The following UNC5C variants were observed in gnomAD, a reference collection of about 807,000 sequenced individuals.
The protein encoded by UNC5C is unc-5 netrin receptor C.
UNC5C carries 47 observed loss-of-function variants against 99.8 expected under a neutral mutation model. That is an observed-to-expected ratio of 0.47 (90% CI 0.37 to 0.60). UNC5C has a LOEUF of 0.60. Ranked by LOEUF, UNC5C falls within the 20% of genes least tolerant of loss-of-function variation. UNC5C has a pLI of 0.00. For missense variants in UNC5C, 1,062 were observed against 1,165.9 expected, an observed-to-expected ratio of 0.91 and a Z score of 1.30; for synonymous variants, 487 against 452.2, an observed-to-expected ratio of 1.08 and a Z score of -0.98.
chr4:95,289,569 TA>T (rs371784419), intron 3 of UNC5C, among the ~76,000 whole-genome samples: 5 of 152,378 alleles, frequency 3.3e-5, no homozygotes, highest in South Asian at 2.1e-4. Context: ...AATATTTTTT[TA>T]AAAAAAGCTG....
At chr4:95,189,163 A>C (rs912092184) in intron 12 of UNC5C, among the ~76,000 whole-genome samples, 5 of 152,210 alleles carry the variant, frequency 3.3e-5, no homozygotes, top group Non-Finnish European at 7.3e-5. Flanking sequence ...TGTCCTTCCT[A>C]CTGGGAGTTC....
intron 7 of UNC5C, among the ~76,000 whole-genome samples, chr4:95,223,294 A>T (rs1400203493): frequency 6.6e-6 from 1 of 152,206 alleles, no homozygotes; most frequent in East Asian, 1.9e-4. Flanking sequence ...CACCATTTGG[A>T]TTAATAAAAT....
intron 1 of UNC5C, among the ~76,000 whole-genome samples, chr4:95,341,413 T>G (rs553149509): frequency 6.7e-6 from 1 of 149,932 alleles, no homozygotes; most frequent in Admixed American, 6.7e-5. Flanking sequence ...ATAAAACAAG[T>G]TTTTGGCCAG....
In UNC5C at chr4:95,188,219, G is replaced by C. The variant is rs17023169; in HGVS notation, c.2137-3023C>G. 3.1e-3 allele frequency among the ~76,000 whole-genome samples: 466 copies of C among 152,220 alleles called. 1 individual carries two copies. The highest frequency in any genetic ancestry group is 0.011 in the African/African-American group (448 of 41,504). On this transcript the variant is annotated intron_variant, in intron 12 of 15. Transcript: ENST00000453304. ...TGTCCTTTCACTAGTACCTGGGGAAGAATTCAGCCCAGCAGTGAAGGATTC... is the reference window on the plus strand; with the variant it reads ...TGTCCTTTCACTAGTACCTGGGGAACAATTCAGCCCAGCAGTGAAGGATTC...
chr4:95,501,342 C>T (rs1260853552), intron 1 of UNC5C, among the ~76,000 whole-genome samples: 1 of 151,880 alleles, frequency 6.6e-6, no homozygotes, highest in Admixed American at 6.6e-5. Context: ...TGGTCAGCAA[C>T]AAGTATCAAT....
rs1394411227 is a variant in UNC5C, at chr4:95,288,266, G to T, written c.491-9904C>A. ...CCTGGCTAATTTTTTTGTATTTTTA[G>T]TAGAGACGGGGTTTCACCGTGCCAG... On this transcript the variant is annotated intron_variant, in intron 3 of 15. Coordinates refer to ENST00000453304, the MANE Select transcript of UNC5C (RefSeq NM_003728.4). Among the ~76,000 whole-genome samples, 3 of 151,994 alleles carry T rather than the reference G, an allele frequency of 2.0e-5. No homozygotes were observed. The East Asian group carries it at 5.9e-4, about 30-fold the overall frequency.
intron 2 of UNC5C, among the ~76,000 whole-genome samples, chr4:95,304,748 A>G (rs549873462): frequency 1.2e-4 from 19 of 152,322 alleles, no homozygotes; most frequent in African/African-American, 4.3e-4. Context: ...TTTCCTTAGA[A>G]CTATAATGGT....
chr4:95,411,083 A>G (rs558923727), intron 1 of UNC5C, among the ~76,000 whole-genome samples: 1 of 152,216 alleles, frequency 6.6e-6, no homozygotes, highest in East Asian at 1.9e-4. Flanking sequence ...AAAAGAAATT[A>G]TTTTCTTATC....
intron 1 of UNC5C, among the ~76,000 whole-genome samples, chr4:95,484,061 A>T (rs58313054): frequency 0.05 from 7,639 of 151,826 alleles, 592 homozygotes; most frequent in African/African-American, 0.17. Context: ...CAAAAATATT[A>T]AAAAAACCAT....
At chr4:95,411,180 C>T (rs1337791537) in intron 1 of UNC5C, among the ~76,000 whole-genome samples, 1 of 152,122 alleles carries the variant, frequency 6.6e-6, no homozygotes, top group Non-Finnish European at 1.5e-5. Context: ...TGGATGTCTT[C>T]CAATGTCTTG....
intron 10 of UNC5C, among the ~76,000 whole-genome samples, chr4:95,213,687 G>A (rs1458477249): frequency 6.6e-6 from 1 of 152,150 alleles, no homozygotes; most frequent in African/African-American, 2.4e-5. Context: ...TGCAATAAAA[G>A]TAATCAGAGA....
At chr4:95,240,687 TC>T (rs1739300182) in intron 7 of UNC5C, among the ~76,000 whole-genome samples, 1 of 152,164 alleles carries the variant, frequency 6.6e-6, no homozygotes, top group Non-Finnish European at 1.5e-5. Flanking sequence ...TCATTCCTCT[TC>T]CCTGTCAATA....
intron 12 of UNC5C, among the ~76,000 whole-genome samples, chr4:95,197,240 A>G (rs1737468552): frequency 6.6e-6 from 1 of 151,170 alleles, no homozygotes; most frequent in Admixed American, 6.7e-5. Flanking sequence ...AGCTCCAGAC[A>G]TTGGGGCAGT....
At chr4:95,302,954 G>A (rs771400851) in intron 2 of UNC5C, among the ~76,000 whole-genome samples, 1 of 152,130 alleles carries the variant, frequency 6.6e-6, no homozygotes, top group Non-Finnish European at 1.5e-5. Flanking sequence ...AGGAATGAGT[G>A]TGAGTAATCA....
intron 4 of UNC5C, among the ~76,000 whole-genome samples, chr4:95,253,123 G>T (rs909308619): frequency 2.6e-5 from 4 of 151,964 alleles, no homozygotes; most frequent in African/African-American, 9.7e-5. Flanking sequence ...TTCCTCTCCT[G>T]CTTGCTCACC....
intron 7 of UNC5C, among the ~76,000 whole-genome samples, chr4:95,224,115 C>T (rs1204492972): frequency 6.6e-6 from 1 of 152,104 alleles, no homozygotes; most frequent in Admixed American, 6.6e-5. Flanking sequence ...AAGCCCATCT[C>T]TACCCAAAAT....
intron 1 of UNC5C, among the ~76,000 whole-genome samples, chr4:95,493,993 G>C (rs1191026594): frequency 6.6e-6 from 1 of 151,356 alleles, no homozygotes; most frequent in Non-Finnish European, 1.5e-5. Flanking sequence ...TACATTTCAT[G>C]ATTAAATTTA....
At chr4:95,174,282 A>G (rs1410693752) in intron 14 of UNC5C, among the ~76,000 whole-genome samples, 1 of 151,678 alleles carries the variant, frequency 6.6e-6, no homozygotes, top group African/African-American at 2.4e-5. Flanking sequence ...GCCTTCTGCT[A>G]GCTTTTGAAT....
At chr4:95,359,177 G>T (rs1002570054) in intron 1 of UNC5C, among the ~76,000 whole-genome samples, 1 of 152,132 alleles carries the variant, frequency 6.6e-6, no homozygotes, top group African/African-American at 2.4e-5. Flanking sequence ...CAAAAGTGAA[G>T]ATTGAATGAT....
Sources: gnomAD v4.1 joint callset for allele counts (sites outside exome capture counted in the v4.1 genomes callset) on GRCh38, gnomAD v4.1.1 for gene constraint, MANE v1.5 for transcripts, NCBI Gene and HGNC (gene_info 2026-07-23, HGNC 2026-07-21) for gene names.